CLIC4: variants seen among roughly 807,000 people sequenced by gnomAD.
The protein encoded by CLIC4 is chloride intracellular channel protein 4.
Under a neutral mutation model 24.6 loss-of-function variants are expected in CLIC4, and 13 were observed. That is an observed-to-expected ratio of 0.53 (90% CI 0.34 to 0.84). The LOEUF is 0.84. Ranked by LOEUF, CLIC4 falls within the 40% of genes least tolerant of loss-of-function variation. CLIC4 has a pLI of 0.01. For missense variants in CLIC4, 227 were observed against 301.7 expected (o/e 0.75, Z 1.83); for synonymous variants, 104 against 111.3 (o/e 0.93, Z 0.41).
intron 1 of CLIC4, among the ~76,000 whole-genome samples, chr1:24,751,819 GTGCCATTGC>G (rs1228421726): frequency 6.6e-6 from 1 of 152,196 alleles, no homozygotes; most frequent in Non-Finnish European, 1.5e-5. Flanking sequence ...AGCCGAGATT[GTGCCATTGC>G]ACTCCAGCCT....
At chr1:24,813,760 C>G (rs918283865) in intron 2 of CLIC4, among the ~76,000 whole-genome samples, 3 of 152,036 alleles carry the variant, frequency 2.0e-5, no homozygotes, top group African/African-American at 7.2e-5. Context: ...TCTCTGTCGC[C>G]CAGGCTGGAG....
At chr1:24,818,818 AAAAAAAAG>A (rs969982185) in intron 3 of CLIC4, among the ~76,000 whole-genome samples, 7 of 152,104 alleles carry the variant, frequency 4.6e-5, no homozygotes, top group African/African-American at 1.7e-4. Flanking sequence ...AATTTAAAAA[AAAAAAAAG>A]AAAAAAGATG....
chr1:24,786,159 C>T (rs1451869822), intron 1 of CLIC4, among the ~76,000 whole-genome samples: 1 of 152,180 alleles, frequency 6.6e-6, no homozygotes, highest in Non-Finnish European at 1.5e-5. Context: ...CCTAACTTCT[C>T]TCTTCCCCTA....
intron 1 of CLIC4, among the ~76,000 whole-genome samples, chr1:24,783,439 C>T (rs893259568): frequency 1.3e-5 from 2 of 152,050 alleles, no homozygotes; most frequent in East Asian, 1.9e-4. Context: ...TGGTGGCTCA[C>T]GCCTGTAATC....
chr1:24,756,682 G>C (rs1176772954), intron 1 of CLIC4, among the ~76,000 whole-genome samples: 1 of 151,998 alleles, frequency 6.6e-6, no homozygotes, highest in East Asian at 1.9e-4. Flanking sequence ...AAATATTGAA[G>C]AATACAAAAC....
At chr1:24,770,171 T>C (rs374974007) in intron 1 of CLIC4, among the ~76,000 whole-genome samples, 18 of 152,248 alleles carry the variant, frequency 1.2e-4, no homozygotes, top group African/African-American at 4.3e-4. Flanking sequence ...GATTTTAGGA[T>C]TGTTTTCCAA....
At chr1:24,836,757 G>A (rs1639889585) in intron 4 of CLIC4, among the ~76,000 whole-genome samples, 1 of 152,210 alleles carries the variant, frequency 6.6e-6, no homozygotes, top group African/African-American at 2.4e-5. Flanking sequence ...AGGATCGCAT[G>A]AGCCCAGGAG....
chr1:24,802,079 C>A (rs1390998612), intron 2 of CLIC4, among the ~76,000 whole-genome samples: 3 of 152,108 alleles, frequency 2.0e-5, no homozygotes, highest in African/African-American at 7.2e-5. Flanking sequence ...ACATGAATTT[C>A]TCCTATTCCA....
intron 2 of CLIC4, among the ~76,000 whole-genome samples, chr1:24,812,541 C>T (rs969841457): frequency 6.6e-6 from 1 of 151,942 alleles, no homozygotes; most frequent in Non-Finnish European, 1.5e-5. Context: ...TCTTTTTTCC[C>T]TCCTCATTCT....
chr1:24,798,259 TTGAATA>T lies in CLIC4; in HGVS notation c.182+409_182+414del, dbSNP rs1478984363. On this transcript the variant is annotated intron_variant, in intron 2 of 5. Coordinates refer to ENST00000374379, the MANE Select transcript of CLIC4 (RefSeq NM_013943.3). Reference sequence around the variant, plus strand: ...TTCAAAGACAAGGATTTTTAGGAGGTTGAATACCGTTGTTGTCAATTTCATTTAATT... The same window carrying T: ...TTCAAAGACAAGGATTTTTAGGAGGTCCGTTGTTGTCAATTTCATTTAATT... 1.3e-4 allele frequency among the ~76,000 whole-genome samples: 20 copies of T among 152,280 alleles called. No individual in the cohort carries two copies. In the East Asian group the frequency reaches 3.7e-3, roughly 28 times the overall value.
Position 24,840,781 on chromosome 1 carries a change from CA to C in CLIC4, c.612del (p.Lys204AsnfsTer11), listed in dbSNP as rs1175213607. On this transcript the variant is annotated frameshift_variant, in exon 6 of 6. Transcript: ENST00000374379. LOFTEE classifies it high-confidence loss of function. ...ATCTCTTTGTATTTCAGGTGGTGGC[CA>C]AAAAATATCGCAACTTTGATATTCC... The part of the protein sequence containing the change: ...PKLHIVKVVA[K>X]KYRNFDIPKE... 3 of 1,601,916 alleles carry C rather than the reference CA, an allele frequency of 1.9e-6. No homozygotes were observed. Among genetic ancestry groups the C allele is most frequent in the South Asian group, 2.2e-5 (2 of 89,034 alleles).
chr1:24,798,770 C>G (rs1412477664), intron 2 of CLIC4, among the ~76,000 whole-genome samples: 1 of 152,124 alleles, frequency 6.6e-6, no homozygotes, highest in East Asian at 1.9e-4. Flanking sequence ...ATTCTCCTGC[C>G]TCAGCCTGCC....
chr1:24,769,367 C>T (rs777505420), intron 1 of CLIC4, among the ~76,000 whole-genome samples: 5 of 152,040 alleles, frequency 3.3e-5, no homozygotes, highest in African/African-American at 1.2e-4. Flanking sequence ...GTGTGCCAGC[C>T]GTTTGCATGT....
chr1:24,823,223 G>T (rs1221950774), intron 3 of CLIC4, among the ~76,000 whole-genome samples: 1 of 152,152 alleles, frequency 6.6e-6, no homozygotes, highest in Non-Finnish European at 1.5e-5. Flanking sequence ...GCTCAAATCA[G>T]ATAACTTTTA....
intron 3 of CLIC4, among the ~76,000 whole-genome samples, chr1:24,821,556 T>G (rs1186071416): frequency 6.6e-6 from 1 of 152,122 alleles, no homozygotes; most frequent in Non-Finnish European, 1.5e-5. Context: ...TTTGTTCTGT[T>G]TTTGTTTAGA....
chr1:24,748,946 G>A (rs1304768032), intron 1 of CLIC4, among the ~76,000 whole-genome samples: 2 of 152,172 alleles, frequency 1.3e-5, no homozygotes, highest in Non-Finnish European at 2.9e-5. Flanking sequence ...AGTGGACCAG[G>A]TGTGGTGGCA....
intron 1 of CLIC4, among the ~76,000 whole-genome samples, chr1:24,758,412 C>T (rs937303872): frequency 2.0e-5 from 3 of 151,550 alleles, no homozygotes; most frequent in African/African-American, 7.3e-5. Flanking sequence ...TCTCCTACCT[C>T]AGCCTCCCAA....
In CLIC4 at chr1:24,843,177, C is replaced by T. The variant is rs1639959698; in HGVS notation, c.*2240C>T. 1 of 152,158 alleles carries T rather than the reference C, an allele frequency of 6.6e-6. No homozygotes were observed. The highest frequency in any genetic ancestry group is 2.4e-5 in the African/African-American group (1 of 41,450). 9.4% of individuals were successfully genotyped at this position (152,158 alleles called of 1,614,324 possible). On this transcript the variant is annotated 3_prime_UTR_variant, in exon 6 of 6. Coordinates refer to ENST00000374379, the MANE Select transcript of CLIC4 (RefSeq NM_013943.3). ...TTGATGAAGACAGAATTATTTTTCT[C>T]TGTAGAAACACAGATACCACTTTAT...
chr1:24,807,949 A>G (rs1442064775), intron 2 of CLIC4, among the ~76,000 whole-genome samples: 1 of 72,816 alleles, frequency 1.4e-5, no homozygotes, highest in African/African-American at 4.5e-5. Context: ...ATTAAAAAAC[A>G]TTCCTTTTTT....
Sources: gnomAD v4.1 joint callset for allele counts (sites outside exome capture counted in the v4.1 genomes callset) on GRCh38, gnomAD v4.1.1 for gene constraint, MANE v1.5 for transcripts, NCBI Gene and HGNC (gene_info 2026-07-23, HGNC 2026-07-21) for gene names.